Variants in MTHFD2L observed in about 807,000 individuals in gnomAD.
MTHFD2L encodes methylenetetrahydrofolate dehydrogenase (NADP+ dependent) 2 like.
MTHFD2L carries 29 observed loss-of-function variants against 34.9 expected under a neutral mutation model. That is an observed-to-expected ratio of 0.83 (90% CI 0.62 to 1.13). MTHFD2L has a LOEUF of 1.13. MTHFD2L is among the 50% of genes most tolerant of loss of function. The probability of loss-of-function intolerance (pLI) is 0.00; values close to 1 mark genes in which losing one functional copy is unlikely to be tolerated. For missense variants in MTHFD2L, 481 were observed against 446.5 expected (o/e 1.08, Z -0.70); for synonymous variants, 167 against 155.7 (o/e 1.07, Z -0.54).
intron 7 of MTHFD2L, among the ~76,000 whole-genome samples, chr4:74,298,480 C>T (rs1578762314): frequency 6.6e-6 from 1 of 152,020 alleles, no homozygotes; most frequent in Non-Finnish European, 1.5e-5. Context: ...ATTCCCTCCT[C>T]CTCCACCCAA....
Position 74,302,250 on chromosome 4 carries a change from A to T in MTHFD2L, c.*441A>T, listed in dbSNP as rs1750410235. 6.6e-6 allele frequency: 1 copy of T among 152,416 alleles called. No individual in the cohort carries two copies. Among genetic ancestry groups the T allele is most frequent in the African/African-American group, 2.4e-5 (1 of 41,596 alleles). 9.4% of individuals were successfully genotyped at this position (152,416 alleles called of 1,614,324 possible). The stretch of plus-strand genomic sequence containing the variant: ...ATTTTATGATCTATGTCATATATTA[A>T]AAAAGAGCTTGCTTACTACAAGAAA... On this transcript the variant is annotated 3_prime_UTR_variant, in exon 8 of 8. Transcript: ENST00000325278.
At chr4:74,166,915 A>G (rs1293953822) in intron 1 of MTHFD2L, among the ~76,000 whole-genome samples, 2 of 152,154 alleles carry the variant, frequency 1.3e-5, no homozygotes, top group Non-Finnish European at 2.9e-5. Context: ...CTGCAGATCT[A>G]GGTACCAGGG....
chr4:74,193,041 T>C (rs1017371063), intron 3 of MTHFD2L, among the ~76,000 whole-genome samples: 2 of 152,164 alleles, frequency 1.3e-5, no homozygotes, highest in Non-Finnish European at 2.9e-5. Flanking sequence ...TACAATGATA[T>C]TCTTCTAAAT....
chr4:74,285,393 C>CA lies in MTHFD2L; in HGVS notation c.931+3847dup, dbSNP rs1157341169. Among the ~76,000 whole-genome samples, 5 of 151,912 alleles carry CA rather than the reference C, an allele frequency of 3.3e-5. No individual in the cohort carries two copies. In the South Asian group the frequency reaches 8.3e-4, roughly 25 times the overall value. ...TGCTCCTAATCATCAGTTGTATGAC[C>CA]AAAAGAAGGCAAGCACCATTCAAAC... On this transcript the variant is annotated intron_variant, in intron 7 of 7. Coordinates refer to ENST00000325278, the MANE Select transcript of MTHFD2L (RefSeq NM_001144978.3).
chr4:74,223,003 A>C (rs1469826579), intron 5 of MTHFD2L, among the ~76,000 whole-genome samples: 1 of 152,032 alleles, frequency 6.6e-6, no homozygotes, highest in East Asian at 1.9e-4. Flanking sequence ...AATTAGTTCA[A>C]CCATTGTGGA....
intron 7 of MTHFD2L, among the ~76,000 whole-genome samples, chr4:74,282,956 T>G (rs181440764): frequency 6.6e-6 from 1 of 152,248 alleles, no homozygotes; most frequent in East Asian, 1.9e-4. Flanking sequence ...GTAACTTATT[T>G]GAATTTCTCA....
chr4:74,167,919 A>G lies in MTHFD2L; in HGVS notation c.144-6587A>G, dbSNP rs139851494. Among the ~76,000 whole-genome samples, 25 of 151,998 alleles carry G rather than the reference A, an allele frequency of 1.6e-4. No homozygotes were observed. In the East Asian group the frequency reaches 4.3e-3, roughly 26 times the overall value. On this transcript the variant is annotated intron_variant, in intron 1 of 7. Transcript: ENST00000325278. ...TTTGCCTTCTGTTTTTCTTTTTTTC[A>G]TATCCTACACCCAATCTCAGTAACT...
At chr4:74,119,443 G>A (rs1721712497), upstream of MTHFD2L, among the ~76,000 whole-genome samples, 1 of 152,174 alleles carries the variant, frequency 6.6e-6, no homozygotes, top group African/African-American at 2.4e-5. Context: ...CCAATGATGA[G>A]ACAGCAGAAG....
intron 6 of MTHFD2L, among the ~76,000 whole-genome samples, chr4:74,256,446 G>A (rs985288035): frequency 9.9e-5 from 15 of 151,946 alleles, no homozygotes; most frequent in Non-Finnish European, 1.8e-4. Flanking sequence ...TGCTTTTGAG[G>A]ACTTAGTCAT....
upstream of MTHFD2L, among the ~76,000 whole-genome samples, chr4:74,118,615 G>T (rs1319670382): frequency 6.6e-6 from 1 of 152,144 alleles, no homozygotes; most frequent in Non-Finnish European, 1.5e-5. Context: ...AAGATGACTG[G>T]TGTCATTATA....
chr4:74,218,755 G>A (rs1737645665), intron 5 of MTHFD2L, among the ~76,000 whole-genome samples: 1 of 152,002 alleles, frequency 6.6e-6, no homozygotes, highest in African/African-American at 2.4e-5. Context: ...CTGTTTGCTA[G>A]TTAGAAAACT....
At chr4:74,214,968 A>G (rs758249836) in intron 5 of MTHFD2L, among the ~76,000 whole-genome samples, 3 of 151,718 alleles carry the variant, frequency 2.0e-5, no homozygotes, top group Middle Eastern at 3.2e-3. Context: ...GCCTCCTTCA[A>G]ACTTCCTGGT....
chr4:74,217,908 T>C (rs1196634626), intron 5 of MTHFD2L, among the ~76,000 whole-genome samples: 1 of 152,058 alleles, frequency 6.6e-6, no homozygotes, highest in Non-Finnish European at 1.5e-5. Context: ...GTGAAAGAAA[T>C]TTGTACTCAC....
At chr4:74,225,595 C>T (rs745757299) in intron 6 of MTHFD2L, among the ~76,000 whole-genome samples, 2 of 152,132 alleles carry the variant, frequency 1.3e-5, no homozygotes, top group Non-Finnish European at 2.9e-5. Flanking sequence ...ATGGAAAACC[C>T]AAACAGCTTT....
At chr4:74,271,893 G>GT (rs961811284) in intron 6 of MTHFD2L, among the ~76,000 whole-genome samples, 1 of 152,114 alleles carries the variant, frequency 6.6e-6, no homozygotes, top group Non-Finnish European at 1.5e-5. Flanking sequence ...CACATCCCTT[G>GT]TAAGTTGGAT....
At chr4:74,268,366 C>A in intron 6 of MTHFD2L, 1 of 548,694 alleles carries the variant, frequency 1.8e-6, no homozygotes, top group Non-Finnish European at 2.3e-6. Context: ...AAGAAGTGAT[C>A]CACCTGAGTA....
chr4:74,138,980 A>T (rs1050668674), intron 1 of MTHFD2L, among the ~76,000 whole-genome samples: 1 of 152,190 alleles, frequency 6.6e-6, no homozygotes, highest in Non-Finnish European at 1.5e-5. Flanking sequence ...GAGCTGAGTT[A>T]TAAGCCCAGT....
intron 3 of MTHFD2L, among the ~76,000 whole-genome samples, chr4:74,178,488 G>A (rs1301416931): frequency 2.0e-5 from 3 of 151,806 alleles, no homozygotes; most frequent in East Asian, 1.9e-4. Flanking sequence ...TTAGCAGCTC[G>A]CTGCTAGATG....
At chr4:74,210,172 T>C (rs902682924) in intron 5 of MTHFD2L, among the ~76,000 whole-genome samples, 1 of 16,788 alleles carries the variant, frequency 6.0e-5, no homozygotes, top group African/African-American at 8.0e-5. Context: ...TTTCTTTTGC[T>C]GTGCGAAGCT....
Sources: allele counts gnomAD v4.1 joint callset (sites outside exome capture counted in the v4.1 genomes callset), GRCh38; gene constraint gnomAD v4.1.1; transcripts MANE v1.5; gene names NCBI Gene and HGNC (gene_info 2026-07-23, HGNC 2026-07-21).